Variants in GALNT1 observed in about 807,000 individuals in gnomAD.
GALNT1 encodes GalNAc transferase 1.
A neutral mutation model predicts 65.7 loss-of-function variants in GALNT1; 17 were observed. That is an observed-to-expected ratio of 0.26 (90% CI 0.18 to 0.39). The LOEUF (loss-of-function observed/expected upper bound fraction) is 0.39. Among genes scored for constraint, GALNT1 ranks in the 10% least tolerant of loss-of-function variants. The pLI, the probability that GALNT1 is intolerant of heterozygous loss-of-function variation, is 1.00. For missense variants in GALNT1, 460 were observed against 672.8 expected, an observed-to-expected ratio of 0.68 and a Z score of 3.50; for synonymous variants, 210 against 219.7, an observed-to-expected ratio of 0.96 and a Z score of 0.39.
At chr18:35,659,993 A>C (rs2047453702) in intron 2 of GALNT1, 1 of 152,186 alleles carries the variant, frequency 6.6e-6, no homozygotes, top group Non-Finnish European at 1.5e-5. Context: ...TGCATCTTAC[A>C]TACCTTTGTT....
At chr18:35,704,466 GC>G (rs1268530946) in intron 11 of GALNT1, among the ~76,000 whole-genome samples, 3 of 151,654 alleles carry the variant, frequency 2.0e-5, no homozygotes, top group African/African-American at 7.3e-5. Context: ...ACGCCATCAT[GC>G]CTGGCTAATT....
At chr18:35,615,547 A>G (rs1226994084) in intron 1 of GALNT1, among the ~76,000 whole-genome samples, 1 of 152,228 alleles carries the variant, frequency 6.6e-6, no homozygotes, top group Non-Finnish European at 1.5e-5. Context: ...GAAAAGGTTT[A>G]TTAATTTGGC....
At chr18:35,661,523 A>T (rs1198673146) in intron 2 of GALNT1, among the ~76,000 whole-genome samples, 1 of 151,876 alleles carries the variant, frequency 6.6e-6, no homozygotes. Flanking sequence ...AAAAAAAAAA[A>T]ATTAAACTCT....
intron 9 of GALNT1, 101 bp from the exon 10 acceptor site, chr18:35,702,796 C>A: frequency 1.5e-6 from 1 of 679,644 alleles, no homozygotes; most frequent in East Asian, 2.8e-5. Context: ...AGAGTAGGGC[C>A]AGGGAAAGTT....
At chr18:35,642,807 T>G (rs1479935394) in intron 1 of GALNT1, among the ~76,000 whole-genome samples, 1 of 152,126 alleles carries the variant, frequency 6.6e-6, no homozygotes, top group Non-Finnish European at 1.5e-5. Context: ...CAGATTTTCT[T>G]AAGCAGAAAA....
At chr18:35,657,345 C>T (rs559093287) in intron 2 of GALNT1, among the ~76,000 whole-genome samples, 1 of 152,322 alleles carries the variant, frequency 6.6e-6, no homozygotes, top group South Asian at 2.1e-4. Context: ...CCACCTGCCT[C>T]AGCCTCCCAA....
intron 11 of GALNT1, 47 bp from the exon 12 acceptor site, chr18:35,709,577 G>GTGTT: frequency 6.3e-7 from 1 of 1,595,102 alleles, no homozygotes; most frequent in East Asian, 2.2e-5. Context: ...GATGCTTGAG[G>GTGTT]TGTTTTGTTT....
intron 1 of GALNT1, among the ~76,000 whole-genome samples, chr18:35,594,382 G>T (rs1319163828): frequency 6.6e-6 from 1 of 152,162 alleles, no homozygotes; most frequent in African/African-American, 2.4e-5. Context: ...GAGAGGCAAG[G>T]ACTATGTTGG....
At position 35,661,239 on chromosome 18, in the gene GALNT1, C is replaced by T. The variant is rs184346018; in HGVS notation, c.140-2389C>T. 1.3e-4 allele frequency among the ~76,000 whole-genome samples: 20 copies of T among 152,244 alleles called. No homozygotes were observed. In the East Asian group the frequency reaches 1.5e-3, roughly 12 times the overall value. On this transcript the variant is annotated intron_variant, in intron 2 of 11. Coordinates refer to ENST00000269195, the MANE Select transcript of GALNT1 (RefSeq NM_020474.4). The stretch of plus-strand genomic sequence containing the variant: ...CATGGCTGGGAGCGGTGGCTCACAC[C>T]TGTAATCCCAGCACTTTGGGAGGCC...
At chr18:35,648,468 C>T (rs771382071) in intron 1 of GALNT1, among the ~76,000 whole-genome samples, 6 of 152,170 alleles carry the variant, frequency 3.9e-5, no homozygotes, top group Admixed American at 6.5e-5. Flanking sequence ...TTTATTGGTA[C>T]ATTACCCCAT....
At chr18:35,646,116 A>T (rs527334999) in intron 1 of GALNT1, among the ~76,000 whole-genome samples, 13 of 152,178 alleles carry the variant, frequency 8.5e-5, no homozygotes, top group Non-Finnish European at 1.9e-4. Flanking sequence ...ACTTACAATC[A>T]TGGCAGAAGG....
chr18:35,581,661 A>G (rs1395004022), upstream of GALNT1: 9 of 66 alleles, frequency 0.14, no homozygotes, highest in East Asian at 0.5. Context: ...CGCCGACCCG[A>G]GCCGGGCGCG....
chr18:35,646,753 G>C (rs1360404502), intron 1 of GALNT1, among the ~76,000 whole-genome samples: 2 of 152,184 alleles, frequency 1.3e-5, no homozygotes, highest in African/African-American at 2.4e-5. Flanking sequence ...CTTTTAGTCT[G>C]TCTGCCCTAC....
At chr18:35,618,574 T>A (rs898151329) in intron 1 of GALNT1, among the ~76,000 whole-genome samples, 1 of 152,170 alleles carries the variant, frequency 6.6e-6, no homozygotes, top group Non-Finnish European at 1.5e-5. Flanking sequence ...TAGAATAGTT[T>A]TGAGAATTAG....
rs564396898 is a variant in GALNT1, at chr18:35,656,086, G to T, written c.139+1285G>T. On this transcript the variant is annotated intron_variant, in intron 2 of 11. Transcript: ENST00000269195. ...TCATACTGTCTATGTTTAAATCAAA[G>T]AACAGGTATTACGATTCATCAGTCA... Among the ~76,000 whole-genome samples the T allele has an allele frequency of 1.5e-4, 23 of 152,292 alleles. No homozygotes were observed. In the East Asian group the frequency reaches 3.5e-3, roughly 23 times the overall value.
At chr18:35,691,326 G>T (rs1016337384) in intron 8 of GALNT1, 134 bp downstream of exon 8, 2 of 644,774 alleles carry the variant, frequency 3.1e-6, no homozygotes, top group Non-Finnish European at 5.0e-6. Flanking sequence ...TGTAAGGAAT[G>T]AATGAAATCA....
At chr18:35,706,301 G>C (rs2048257930) in intron 11 of GALNT1, among the ~76,000 whole-genome samples, 1 of 152,046 alleles carries the variant, frequency 6.6e-6, no homozygotes, top group Admixed American at 6.5e-5. Flanking sequence ...ACGAGGTCAG[G>C]AGATCGAGAC....
chr18:35,703,412 C>A, intron 10 of GALNT1, 97 bp from the exon 11 acceptor site: 1 of 1,136,934 alleles, frequency 8.8e-7, no homozygotes, highest in Non-Finnish European at 1.3e-6. Context: ...AAATCATGTA[C>A]CTTGAAATAC....
chr18:35,697,444 G>A (rs11664813), intron 9 of GALNT1, among the ~76,000 whole-genome samples: 16,505 of 152,126 alleles, frequency 0.11, 962 homozygotes, highest in Admixed American at 0.18. Context: ...ACCATTCCCC[G>A]GTCCTACCAA....
Sources: gnomAD v4.1 joint callset for allele counts (sites outside exome capture counted in the v4.1 genomes callset) on GRCh38, gnomAD v4.1.1 for gene constraint, MANE v1.5 for transcripts, NCBI Gene and HGNC (gene_info 2026-07-23, HGNC 2026-07-21) for gene names.